The following UTRN variants were observed in gnomAD, a reference collection of about 807,000 sequenced individuals.
UTRN encodes the protein dystrophin-related protein 1.
A neutral mutation model predicts 463.9 loss-of-function variants in UTRN; 283 were observed. The observed-to-expected ratio is 0.61, with a 90% CI of 0.55 to 0.67. The LOEUF (loss-of-function observed/expected upper bound fraction) is 0.67, where lower values mean the gene tolerates loss of function less well. Among genes scored for constraint, UTRN ranks in the 30% least tolerant of loss-of-function variants. UTRN has a pLI of 0.00. For missense variants in UTRN, 3,922 were observed against 4,084.3 expected (o/e 0.96, Z 1.08); for synonymous variants, 1,442 against 1,431.5 (o/e 1.01, Z -0.17).
At chr6:144,329,636 A>C (rs1451406132) in intron 2 of UTRN, among the ~76,000 whole-genome samples, 1 of 152,192 alleles carries the variant, frequency 6.6e-6, no homozygotes, top group Non-Finnish European at 1.5e-5. Flanking sequence ...CAAAGCTACC[A>C]CTAATAATGT....
chr6:144,480,396 C>T (rs759222390), intron 26 of UTRN, among the ~76,000 whole-genome samples: 6 of 152,288 alleles, frequency 3.9e-5, no homozygotes, highest in Middle Eastern at 3.4e-3. Context: ...TATTTCCAAA[C>T]ATTTTCACAA....
In UTRN at chr6:144,772,046, T is replaced by G. The variant is rs1794113831; in HGVS notation, c.8557+78T>G. ...TTTTTTTTTTTTTTTTTTTTTTTTTTTTTTTTTAAGGTGGATTCTCGCTGT... is the reference window on the plus strand; with the variant it reads ...TTTTTTTTTTTTTTTTTTTTTTTTTGTTTTTTTAAGGTGGATTCTCGCTGT... On this transcript the variant is annotated intron_variant, in intron 59 of 74. Transcript: ENST00000367545. 2.9e-6 allele frequency: 3 copies of G among 1,049,674 alleles called. No homozygotes were observed. The Admixed American group carries it at 9.0e-5, about 31-fold the overall frequency. The allele number at this position is 1,049,674 out of a possible 1,614,324, so 65.0% of individuals were successfully genotyped here.
intron 51 of UTRN, among the ~76,000 whole-genome samples, chr6:144,643,524 C>T (rs537055715): frequency 1.8e-4 from 27 of 152,018 alleles, no homozygotes; most frequent in Admixed American, 5.9e-4. Flanking sequence ...GGGCCGGGCA[C>T]GGTGGTTCAT....
chr6:144,710,631 C>T (rs1586151212), intron 53 of UTRN, among the ~76,000 whole-genome samples: 1 of 152,334 alleles, frequency 6.6e-6, no homozygotes, highest in Middle Eastern at 3.4e-3. Context: ...TTCAACAATA[C>T]ATAAACATTT....
At chr6:144,673,643 A>G (rs1781279878) in intron 51 of UTRN, among the ~76,000 whole-genome samples, 1 of 152,090 alleles carries the variant, frequency 6.6e-6, no homozygotes, top group South Asian at 2.1e-4. Context: ...TTTACATTCA[A>G]TGTTAGTATT....
chr6:144,700,257 C>G lies in UTRN; in HGVS notation c.7809+14C>G, dbSNP rs918514521. Reference sequence around the variant, plus strand: ...GACCATTGTAAGGTAAGTGGATAACCTATAGTGAGTCGCTTAATTCAAATT... The same window carrying G: ...GACCATTGTAAGGTAAGTGGATAACGTATAGTGAGTCGCTTAATTCAAATT... On this transcript the variant is annotated intron_variant, in intron 53 of 74. Coordinates refer to ENST00000367545, the MANE Select transcript of UTRN (RefSeq NM_007124.3). 1.9e-5 allele frequency: 30 copies of G among 1,599,684 alleles called. No individual in the cohort carries two copies. The highest frequency in any genetic ancestry group is 2.5e-5 in the Non-Finnish European group (29 of 1,172,060).
intron 51 of UTRN, among the ~76,000 whole-genome samples, chr6:144,614,264 TAAAAC>T (rs1562651556): frequency 6.6e-6 from 1 of 152,044 alleles, no homozygotes; most frequent in African/African-American, 2.4e-5. Context: ...AATATTATCT[TAAAAC>T]AGAAACAGTA....
intron 51 of UTRN, among the ~76,000 whole-genome samples, chr6:144,608,221 T>C (rs1805084727): frequency 6.6e-6 from 1 of 152,150 alleles, no homozygotes; most frequent in Non-Finnish European, 1.5e-5. Flanking sequence ...AAGACTGACC[T>C]CCTCAGAAGA....
Position 144,548,734 on chromosome 6 carries a change from T to A in UTRN, c.6690T>A (p.Asp2230Glu). The A allele has an allele frequency of 6.2e-7, 1 of 1,614,090 alleles. No homozygotes were observed. The highest frequency in any genetic ancestry group is 8.5e-7 in the Non-Finnish European group (1 of 1,179,964). ...HRTSEISIPA[D>E]LDKTITELAD... ...CTTCGGAAATTTCAATTCCTGCTGATCTTGATAAAACTATAACAGAACTAG... is the reference window on the plus strand; with the variant it reads ...CTTCGGAAATTTCAATTCCTGCTGAACTTGATAAAACTATAACAGAACTAG... Residue 2230 changes from aspartate (D) to glutamate (E), a missense_variant, in exon 47 of 75, where the codon GAT becomes GAA. Asp to Glu is a conservative substitution (Grantham distance 45). Coordinates refer to ENST00000367545, the MANE Select transcript of UTRN (RefSeq NM_007124.3).
intron 64 of UTRN, 118 bp downstream of exon 64, chr6:144,798,108 G>T (rs905401016): frequency 3.9e-6 from 5 of 1,289,290 alleles, no homozygotes; most frequent in Admixed American, 2.4e-5. Flanking sequence ...TAAATAAATG[G>T]TATGTTCAGT....
At chr6:144,673,165 T>A (rs1202468084) in intron 51 of UTRN, among the ~76,000 whole-genome samples, 1 of 152,168 alleles carries the variant, frequency 6.6e-6, no homozygotes, top group Non-Finnish European at 1.5e-5. Context: ...TTGGGTAGAC[T>A]GTTCTGCAAA....
chr6:144,819,904 TC>T (rs1779424848), intron 65 of UTRN, among the ~76,000 whole-genome samples: 2 of 121,806 alleles, frequency 1.6e-5, no homozygotes, highest in Admixed American at 7.7e-5. Flanking sequence ...CTCCTCCTCC[TC>T]CTCCTCCTCT....
intron 60 of UTRN, among the ~76,000 whole-genome samples, chr6:144,778,991 C>T (rs997888778): frequency 3.8e-4 from 58 of 152,240 alleles, no homozygotes; most frequent in African/African-American, 1.3e-3. Context: ...GACAAAGTGT[C>T]AGAGTAAATC....
At chr6:144,818,410 C>T (rs143732513) in intron 65 of UTRN, among the ~76,000 whole-genome samples, 133 of 152,276 alleles carry the variant, frequency 8.7e-4, no homozygotes, top group Non-Finnish European at 1.4e-3. Flanking sequence ...CTGAGGCACA[C>T]TGGGTAAGGG....
chr6:144,291,848 A>C lies in UTRN; in HGVS notation c.20A>C (p.His7Pro), dbSNP rs771346101. 3 of 1,613,624 alleles carry C rather than the reference A, an allele frequency of 1.9e-6. No individual in the cohort carries two copies. In the Admixed American group the frequency reaches 5.0e-5, roughly 27 times the overall value. The change falls in exon 2 of 75, where the codon CAT becomes CCT. Residue 7 changes from histidine to proline, a missense_variant. His to Pro is a moderately conservative substitution (Grantham distance 77). Coordinates refer to ENST00000367545, the MANE Select transcript of UTRN (RefSeq NM_007124.3). Reference sequence around the variant, plus strand: ...GGCAAGATGGCCAAGTATGGAGAACATGAAGCCAGTCCTGACAATGGGCAG... The same window carrying C: ...GGCAAGATGGCCAAGTATGGAGAACCTGAAGCCAGTCCTGACAATGGGCAG... MAKYGE[H>P]EASPDNGQNE...
chr6:144,730,462 A>G lies in UTRN; in HGVS notation c.7915A>G (p.Arg2639Gly), dbSNP rs1788397878. The G allele has an allele frequency of 6.2e-7, 1 of 1,609,356 alleles. No individual in the cohort carries two copies. Among genetic ancestry groups the G allele is most frequent in the Non-Finnish European group, 8.5e-7 (1 of 1,177,534 alleles). ...DQPIEAPEEP[R>G]RNLQSKTELT... ...GCCAATTGAGGCCCCTGAAGAGCCA[A>G]GAAGAAACCTACAATCAAAAACAGG... The change falls in exon 54 of 75, where the codon AGA becomes GGA. Residue 2639 changes from arginine (R) to glycine (G), a missense_variant. Arg to Gly is a moderately radical substitution (Grantham distance 125). Transcript: ENST00000367545.
chr6:144,850,042 A>G (rs942636440), intron 74 of UTRN, among the ~76,000 whole-genome samples: 1 of 152,226 alleles, frequency 6.6e-6, no homozygotes, highest in African/African-American at 2.4e-5. Flanking sequence ...GCCTCCCCTC[A>G]GTACAATGCC....
chr6:144,723,514 A>G (rs957880722), intron 53 of UTRN, among the ~76,000 whole-genome samples: 1 of 152,180 alleles, frequency 6.6e-6, no homozygotes, highest in Non-Finnish European at 1.5e-5. Flanking sequence ...CTTACCATGC[A>G]AGAACTCACA....
At chr6:144,662,960 T>G (rs921155450) in intron 51 of UTRN, among the ~76,000 whole-genome samples, 6 of 152,214 alleles carry the variant, frequency 3.9e-5, no homozygotes, top group Non-Finnish European at 8.8e-5. Flanking sequence ...TGGCATGTGG[T>G]TGAGCACCTT....
Sources: allele counts gnomAD v4.1 joint callset (sites outside exome capture counted in the v4.1 genomes callset), GRCh38; gene constraint gnomAD v4.1.1; transcripts MANE v1.5; gene names NCBI Gene and HGNC (gene_info 2026-07-23, HGNC 2026-07-21).